Variants in GPHN observed in about 807,000 individuals in gnomAD.
GPHN encodes gephyrin.
Under a neutral mutation model 95.5 loss-of-function variants are expected in GPHN, and 17 were observed. The ratio of observed to expected loss-of-function variants is 0.18; its 90% CI spans 0.12 to 0.27. The LOEUF (loss-of-function observed/expected upper bound fraction) is 0.27, where lower values mean the gene tolerates loss of function less well. GPHN is among the 10% of genes least tolerant of loss of function. GPHN has a pLI of 1.00. For synonymous variants in GPHN, 320 were observed against 322.5 expected (o/e 0.99, Z 0.08); for missense variants, 660 against 978.1 (o/e 0.67, Z 4.34).
At chr14:67,315,770 C>T in the GPHN span, among the ~76,000 whole-genome samples, 1 of 152,162 alleles carries the variant, frequency 6.6e-6, no homozygotes, top group Non-Finnish European at 1.5e-5. Flanking sequence ...ACTAAAAATA[C>T]AACCATTAGC....
intron 17 of GPHN, among the ~76,000 whole-genome samples, chr14:67,129,187 T>C (rs2079529588): frequency 6.6e-6 from 1 of 152,110 alleles, no homozygotes; most frequent in South Asian, 2.1e-4. Flanking sequence ...GTATTTCTTT[T>C]GTAATAAAAG....
chr14:66,758,615 C>G (rs1460910487), intron 2 of GPHN, among the ~76,000 whole-genome samples: 1 of 152,250 alleles, frequency 6.6e-6, no homozygotes, highest in Admixed American at 6.5e-5. Context: ...CTTAGAAATC[C>G]TGAGGCTGCC....
At chr14:67,223,716 T>C in the GPHN span, 1 of 977,012 alleles carries the variant, frequency 1.0e-6, no homozygotes, top group Non-Finnish European at 1.2e-6. Flanking sequence ...TCTTTCCACC[T>C]TTTTCTCCCA....
chr14:67,212,830 G>C, the GPHN span, among the ~76,000 whole-genome samples: 1 of 151,602 alleles, frequency 6.6e-6, no homozygotes, highest in Non-Finnish European at 1.5e-5. Context: ...CTTGAAATCA[G>C]AGTAGTTTGC....
the GPHN span, chr14:67,590,232 G>T: frequency 1.5e-6 from 2 of 1,335,390 alleles, no homozygotes; most frequent in Non-Finnish European, 2.0e-6. Flanking sequence ...GTGCAGTGGT[G>T]CTGCATCCAC....
At chr14:67,068,657 C>G (rs1595015043) in intron 11 of GPHN, among the ~76,000 whole-genome samples, 1 of 148,490 alleles carries the variant, frequency 6.7e-6, no homozygotes, top group East Asian at 1.9e-4. Flanking sequence ...AAGCTGTAAG[C>G]TTTTTTATTT....
chr14:67,517,930 G>A, the GPHN span, among the ~76,000 whole-genome samples: 1 of 152,190 alleles, frequency 6.6e-6, no homozygotes, highest in Non-Finnish European at 1.5e-5. Context: ...AAGATCAGGG[G>A]TGCACAGGGT....
chr14:66,567,768 G>A (rs2060520144), intron 1 of GPHN, among the ~76,000 whole-genome samples: 1 of 152,098 alleles, frequency 6.6e-6, no homozygotes, highest in Non-Finnish European at 1.5e-5. Context: ...ACATTTTGTT[G>A]TAGAATATTA....
chr14:67,258,496 C>T, the GPHN span, among the ~76,000 whole-genome samples: 1 of 152,194 alleles, frequency 6.6e-6, no homozygotes, highest in African/African-American at 2.4e-5. Context: ...TCACAGCTTA[C>T]TGCAGCCTTG....
At chr14:66,719,515 C>T (rs1199538301) in intron 2 of GPHN, among the ~76,000 whole-genome samples, 2 of 152,080 alleles carry the variant, frequency 1.3e-5, no homozygotes, top group South Asian at 2.1e-4. Flanking sequence ...AGGAGCGGTC[C>T]TCTTTCTTCA....
chr14:67,451,088 C>T, the GPHN span, among the ~76,000 whole-genome samples: 1 of 152,228 alleles, frequency 6.6e-6, no homozygotes, highest in African/African-American at 2.4e-5. Flanking sequence ...AAGTCTCAAG[C>T]CTTGGCAGCT....
chr14:66,758,031 A>G (rs928564809), intron 2 of GPHN, among the ~76,000 whole-genome samples: 2 of 152,156 alleles, frequency 1.3e-5, no homozygotes, highest in Non-Finnish European at 2.9e-5. Flanking sequence ...ATGGACTTAG[A>G]ATGGGGAGTA....
In GPHN at chr14:67,150,439, TCAAAAAAAAAAAA is replaced by T. The variant is rs1193668475; in HGVS notation, c.1836+7004_1836+7016del. Among the ~76,000 whole-genome samples the T allele has an allele frequency of 5.4e-3, 168 of 31,106 alleles. No individual in the cohort carries two copies. The Middle Eastern group carries it at 0.12, about 22-fold the overall frequency. The allele number at this position is 31,106 out of a possible 152,430, so 20.4% of individuals were successfully genotyped here. A position where few individuals can be genotyped will look rare whatever the true frequency, so the allele number is the denominator to read the frequency against. The stretch of plus-strand genomic sequence containing the variant: ...CTGGGCGACAGAGCGAGACTCCGTC[TCAAAAAAAAAAAA>T]CAAAAAAAAAAAAAAAAAAAACATT... On this transcript the variant is annotated intron_variant, in intron 18 of 22. Transcript: ENST00000478722.
chr14:67,322,251 G>C, the GPHN span, among the ~76,000 whole-genome samples: 4 of 152,208 alleles, frequency 2.6e-5, no homozygotes, highest in African/African-American at 9.6e-5. Context: ...GGGAGGCTGG[G>C]GTGGGAAAAT....
intron 3 of GPHN, among the ~76,000 whole-genome samples, chr14:66,819,592 A>T (rs1203710140): frequency 6.6e-6 from 1 of 151,568 alleles, no homozygotes; most frequent in Non-Finnish European, 1.5e-5. Context: ...AGGTAGTGGG[A>T]TGCCTCCAGC....
chr14:66,747,940 A>G (rs1386090731), intron 2 of GPHN, among the ~76,000 whole-genome samples: 1 of 152,124 alleles, frequency 6.6e-6, no homozygotes, highest in East Asian at 1.9e-4. Flanking sequence ...AGAGATCTAC[A>G]TATCTACTCC....
intron 1 of GPHN, among the ~76,000 whole-genome samples, chr14:66,552,861 T>C (rs1163007817): frequency 6.6e-6 from 1 of 152,198 alleles, no homozygotes; most frequent in African/African-American, 2.4e-5. Context: ...TTCAAGATTT[T>C]TTCTTACTTT....
chr14:67,044,108 G>T (rs892708207), intron 10 of GPHN, among the ~76,000 whole-genome samples: 1 of 151,970 alleles, frequency 6.6e-6, no homozygotes, highest in Non-Finnish European at 1.5e-5. Flanking sequence ...AGGCTGAGGT[G>T]GGTGGATTAC....
chr14:67,597,455 G>A, the GPHN span, among the ~76,000 whole-genome samples: 1 of 151,732 alleles, frequency 6.6e-6, no homozygotes, highest in African/African-American at 2.4e-5. Context: ...TCCAGCCTGG[G>A]CAACAGAGTG....
Sources: allele counts gnomAD v4.1 joint callset (sites outside exome capture counted in the v4.1 genomes callset), GRCh38; gene constraint gnomAD v4.1.1; transcripts MANE v1.5; gene names NCBI Gene and HGNC (gene_info 2026-07-23, HGNC 2026-07-21).